The following RABL6 variants were observed in gnomAD, a reference collection of about 807,000 sequenced individuals.
The protein encoded by RABL6 is RAB, member RAS oncogene family like 6, also known as rab-like protein 6.
Under a neutral mutation model 72.9 loss-of-function variants are expected in RABL6, and 28 were observed. The observed-to-expected ratio is 0.38, with a 90% CI of 0.28 to 0.53. The LOEUF (loss-of-function observed/expected upper bound fraction) is 0.53. Ranked by LOEUF, RABL6 falls within the 20% of genes least tolerant of loss-of-function variation. The probability of loss-of-function intolerance (pLI) is 0.80; values close to 1 mark genes in which losing one functional copy is unlikely to be tolerated. For missense variants in RABL6, 1,029 were observed against 1,008.4 expected (o/e 1.02, Z -0.28); for synonymous variants, 477 against 421.2 (o/e 1.13, Z -1.62).
At position 136,823,585 on chromosome 9, in the gene RABL6, A is replaced by G; in HGVS notation, c.191A>G (p.Gln64Arg). The G allele has an allele frequency of 6.2e-7, 1 of 1,613,818 alleles. No individual in the cohort carries two copies. Among genetic ancestry groups the G allele is most frequent in the South Asian group, 1.1e-5 (1 of 91,080 alleles). ...AAGACAGCGCTGTGGCACCGCCTGC[A>G]GGGCCGGCCGTTCGTGGAGGAGTAC... is the stretch of plus-strand genomic sequence containing the variant. ...TGKTALWHRLQGRPFVEEYIP... is the reference protein window; with the variant it reads ...TGKTALWHRLRGRPFVEEYIP... Residue 64 changes from glutamine (Q) to arginine (R), a missense_variant, in exon 2 of 15, where the codon CAG (glutamine) becomes CGG (arginine). Physicochemically the swap from Gln to Arg is conservative, Grantham distance 43 (BLOSUM62 1). Coordinates refer to ENST00000311502, the MANE Select transcript of RABL6 (RefSeq NM_024718.5).
At chr9:136,825,997 C>T (rs1290486454) in intron 3 of RABL6, among the ~76,000 whole-genome samples, 171 bp downstream of exon 3, 3 of 152,166 alleles carry the variant, frequency 2.0e-5, no homozygotes, top group African/African-American at 4.8e-5. Context: ...CGCAGCGTGG[C>T]GCAGCCCCTC....
intron 6 of RABL6, 154 bp downstream of exon 6, chr9:136,832,015 T>A: frequency 8.3e-7 from 1 of 1,201,190 alleles, no homozygotes; most frequent in South Asian, 1.6e-5. Context: ...GAAGCCTGGG[T>A]CTCCCCGATG....
At chr9:136,838,558 C>T (rs1848625381) in intron 10 of RABL6, among the ~76,000 whole-genome samples, 2 of 152,268 alleles carry the variant, frequency 1.3e-5, no homozygotes, top group Admixed American at 1.3e-4. Flanking sequence ...GCACCTCAGC[C>T]TCACCCATTG....
chr9:136,837,483 C>T lies in RABL6; in HGVS notation c.947C>T (p.Thr316Ile). The change falls in exon 9 of 15, where the codon ACA becomes ATA. Residue 316 changes from threonine to isoleucine, a missense_variant. Coordinates refer to ENST00000311502, the MANE Select transcript of RABL6 (RefSeq NM_024718.5). ...TCCACGGGGAGCTCCAGCCCCGGCA[C>T]ACCCCAGCCCGCCCCACAGCTGCCC... Reference protein sequence around the residue: ...AVSTGSSSPGTPQPAPQLPLN... With the variant: ...AVSTGSSSPGIPQPAPQLPLN... 3 of 1,548,238 alleles carry T rather than the reference C, an allele frequency of 1.9e-6. No individual in the cohort carries two copies. Among genetic ancestry groups the T allele is most frequent in the Non-Finnish European group, 2.6e-6 (3 of 1,150,376 alleles).
rs764771028 is a variant in RABL6 at position 136,832,405 on chromosome 9, G to T, written c.705+35G>T. On this transcript the variant is annotated intron_variant, in intron 7 of 14. Transcript: ENST00000311502. ...CACCACGTGGGGTGGAGTGGCTGCTGGTCTCTCACCTCCTTCCAGGTGTCT... is the reference window on the plus strand; with the variant it reads ...CACCACGTGGGGTGGAGTGGCTGCTTGTCTCTCACCTCCTTCCAGGTGTCT... 24 of 1,511,428 alleles carry T rather than the reference G, an allele frequency of 1.6e-5. No homozygotes were observed. The South Asian group carries it at 2.7e-4, about 17-fold the overall frequency. The allele number at this position is 1,511,428 out of a possible 1,614,324, so 93.6% of individuals were successfully genotyped here.
At chr9:136,817,620 C>T (rs1373678715) in intron 1 of RABL6, among the ~76,000 whole-genome samples, 1 of 67,480 alleles carries the variant, frequency 1.5e-5, no homozygotes, top group Non-Finnish European at 3.3e-5. Context: ...GGGCTGAGGT[C>T]TCTGTCTGAT....
rs184900810 is a variant in RABL6, at chr9:136,836,927, G to A, written c.810-419G>A. 1.5e-3 allele frequency: 525 copies of A among 350,450 alleles called. 2 individuals carry two copies. The highest frequency in any genetic ancestry group is 9.7e-3 in the African/African-American group (455 of 46,982). 21.7% of individuals were successfully genotyped at this position (350,450 alleles called of 1,614,324 possible). On this transcript the variant is annotated intron_variant, in intron 8 of 14. Coordinates refer to ENST00000311502, the MANE Select transcript of RABL6 (RefSeq NM_024718.5). ...CTCGCTCTGTCGCCCAGGCTGGAGCGCAGTGGTGTGATCTCGGCTCACCGC... is the reference window on the plus strand; with the variant it reads ...CTCGCTCTGTCGCCCAGGCTGGAGCACAGTGGTGTGATCTCGGCTCACCGC...
chr9:136,835,809 C>T lies in RABL6; in HGVS notation c.773C>T (p.Ser258Leu), dbSNP rs1023769736. 2.0e-5 allele frequency: 31 copies of T among 1,555,128 alleles called. No homozygotes were observed. Among genetic ancestry groups the T allele is most frequent in the Admixed American group, 1.2e-4 (6 of 51,600 alleles). ...LDMDATLEEL[S>L]VQQETEDQNY... ...ATGGACGCCACGCTGGAGGAGCTGT[C>T]GGTGCAGCAGGAGACGGAGGACCAG... Residue 258 changes from serine to leucine, a missense_variant, in exon 8 of 15, where the codon TCG becomes TTG. Around this residue, in one of 2 missense-constraint regions of RABL6, gnomAD observed 434 missense variants for 536.1 expected, o/e 0.81. Coordinates refer to ENST00000311502, the MANE Select transcript of RABL6 (RefSeq NM_024718.5).
chr9:136,829,361 C>T (rs772741917), intron 4 of RABL6, 32 bp from the exon 5 acceptor site: 35 of 1,524,006 alleles, frequency 2.3e-5, no homozygotes, highest in Non-Finnish European at 3.0e-5. Context: ...CCAGCCTGGG[C>T]CAGTCTCACA....
At chr9:136,832,039 C>G (rs1848488337) in intron 6 of RABL6, 178 bp downstream of exon 6, 4 of 1,069,614 alleles carry the variant, frequency 3.7e-6, no homozygotes, top group Non-Finnish European at 5.2e-6. Context: ...GGGCCGGGAA[C>G]TGTGTGCTGG....
In RABL6 at chr9:136,837,605, A is replaced by T. The variant is rs1439352242; in HGVS notation, c.1069A>T (p.Ile357Phe). ...CPSAPAPRRS[I>F]ISRLFGTSPA... is the part of the protein sequence containing the mutation. ...CTCAGCCCCCGCCCCACGGCGCAGCATCATCTCTAGGCTGTTTGGGACGTC... is the reference window on the plus strand; with the variant it reads ...CTCAGCCCCCGCCCCACGGCGCAGCTTCATCTCTAGGCTGTTTGGGACGTC... The change falls in exon 9 of 15, where the codon ATC (isoleucine) becomes TTC (phenylalanine). Residue 357 changes from isoleucine to phenylalanine, a missense_variant. Coordinates refer to ENST00000311502, the MANE Select transcript of RABL6 (RefSeq NM_024718.5). 2 of 1,595,836 alleles carry T rather than the reference A, an allele frequency of 1.3e-6. No individual in the cohort carries two copies. Among genetic ancestry groups the T allele is most frequent in the East Asian group, 2.3e-5 (1 of 44,082 alleles).
rs3829119 is a variant in RABL6, at chr9:136,831,328, G to A, written c.459-393G>A. On this transcript the variant is annotated intron_variant, in intron 5 of 14. Coordinates refer to ENST00000311502, the MANE Select transcript of RABL6 (RefSeq NM_024718.5). ...CCTCGGCTGCCCCGGTGGGCAGGGAGCCTGGAGGACCAGCCACAGGGTCGA... is the reference window on the plus strand; with the variant it reads ...CCTCGGCTGCCCCGGTGGGCAGGGAACCTGGAGGACCAGCCACAGGGTCGA... 2.9e-3 allele frequency among the ~76,000 whole-genome samples: 443 copies of A among 152,278 alleles called. 12 individuals carry two copies. In the East Asian group the frequency reaches 0.041, roughly 14 times the overall value.
At chr9:136,834,668 G>A (rs186113658) in intron 7 of RABL6, among the ~76,000 whole-genome samples, 11 of 152,180 alleles carry the variant, frequency 7.2e-5, no homozygotes, top group East Asian at 3.9e-4. Context: ...TAGTAGGGAC[G>A]GGGTTTTGCC....
rs1031557115 is a variant in RABL6, at chr9:136,821,306, G to T, written c.131-2219G>T. 1.4e-5 allele frequency: 14 copies of T among 983,892 alleles called. No individual in the cohort carries two copies. The South Asian group carries it at 1.9e-4, about 13-fold the overall frequency. The allele number at this position is 983,892 out of a possible 1,614,324, so 60.9% of individuals were successfully genotyped here. ...GGGCGGTCGCTGTGACCGTCTCTGC[G>T]CTCTCCGCGTTGCTAACGCCCCACT... On this transcript the variant is annotated intron_variant, in intron 1 of 14. Coordinates refer to ENST00000311502, the MANE Select transcript of RABL6 (RefSeq NM_024718.5).
chr9:136,810,125 ACT>A (rs2131151479), intron 1 of RABL6: 1 of 152,196 alleles, frequency 6.6e-6, no homozygotes, highest in South Asian at 2.1e-4. Context: ...CAGTTTTTAG[ACT>A]CTGCGTTTGG....
chr9:136,833,496 G>T, intron 7 of RABL6: 1 of 597,154 alleles, frequency 1.7e-6, no homozygotes, highest in Non-Finnish European at 2.9e-6. Context: ...CCTGGGTCTG[G>T]GGGACCTGAA....
At chr9:136,834,481 T>C (rs1165756157) in intron 7 of RABL6, 2 of 978,118 alleles carry the variant, frequency 2.0e-6, no homozygotes, top group East Asian at 2.3e-4. Context: ...TTAATGACTT[T>C]AATACACTCT....
rs1848656139 is a variant in RABL6 at position 136,839,826 on chromosome 9, G to A, written c.1891G>A (p.Gly631Arg). 5 of 1,612,620 alleles carry A rather than the reference G, an allele frequency of 3.1e-6. No homozygotes were observed. Among genetic ancestry groups the A allele is most frequent in the Non-Finnish European group, 4.2e-6 (5 of 1,179,820 alleles). Reference protein sequence around the residue: ...LKNDSDLFGLGLEEAGPKESS... With the variant: ...LKNDSDLFGLRLEEAGPKESS... ...GAATGACTCGGACCTCTTCGGGCTGGGGCTGGAGGAGGCCGGACCCAAGGA... is the reference window on the plus strand; with the variant it reads ...GAATGACTCGGACCTCTTCGGGCTGAGGCTGGAGGAGGCCGGACCCAAGGA... The change falls in exon 13 of 15, where the codon GGG becomes AGG. Residue 631 changes from glycine (G) to arginine (R), a missense_variant. This residue lies in a region of RABL6 where 595 missense variants were observed against 472.4 expected (regional missense o/e 1.26). Coordinates refer to ENST00000311502, the MANE Select transcript of RABL6 (RefSeq NM_024718.5).
chr9:136,820,082 C>G (rs1848206348), intron 1 of RABL6, among the ~76,000 whole-genome samples: 1 of 151,840 alleles, frequency 6.6e-6, no homozygotes. Context: ...GCCTGTAGTC[C>G]CAGCTACTTG....
Sources: gnomAD v4.1 joint callset for allele counts (sites outside exome capture counted in the v4.1 genomes callset) on GRCh38, gnomAD v4.1.1 for gene constraint, gnomAD v4.1.1 regional missense constraint, MANE v1.5 for transcripts, NCBI Gene and HGNC (gene_info 2026-07-23, HGNC 2026-07-21) for gene names.